The following ENTHD1 variants were observed in gnomAD, a reference collection of about 807,000 sequenced individuals.
The protein encoded by ENTHD1 is ENTH domain-containing protein 1.
A neutral mutation model predicts 39.1 loss-of-function variants in ENTHD1; 23 were observed. The observed-to-expected ratio is 0.59, with a 90% CI of 0.42 to 0.83. The LOEUF is 0.83. ENTHD1 is among the 40% of genes least tolerant of loss of function. The pLI is 0.00. For missense variants in ENTHD1, 624 were observed against 705.4 expected, an observed-to-expected ratio of 0.88 and a Z score of 1.31; for synonymous variants, 230 against 258.2, an observed-to-expected ratio of 0.89 and a Z score of 1.05.
intron 5 of ENTHD1, among the ~76,000 whole-genome samples, chr22:39,805,080 C>T (rs978173483): frequency 1.3e-5 from 2 of 152,220 alleles, no homozygotes; most frequent in Non-Finnish European, 2.9e-5. Context: ...GGTCATCCAT[C>T]TATCCAACAA....
At chr22:39,831,525 A>G (rs2065868809) in intron 4 of ENTHD1, among the ~76,000 whole-genome samples, 1 of 152,172 alleles carries the variant, frequency 6.6e-6, no homozygotes, top group South Asian at 2.1e-4. Flanking sequence ...AAAAGTCAAT[A>G]TAATAAAGAA....
At chr22:39,805,360 T>C (rs1426405169) in intron 5 of ENTHD1, among the ~76,000 whole-genome samples, 1 of 152,036 alleles carries the variant, frequency 6.6e-6, no homozygotes, top group East Asian at 1.9e-4. Flanking sequence ...TCACTCAAAG[T>C]CCCTTACTAT....
At chr22:39,878,635 C>G (rs1186287815) in intron 2 of ENTHD1, among the ~76,000 whole-genome samples, 1 of 151,784 alleles carries the variant, frequency 6.6e-6, no homozygotes, top group African/African-American at 2.4e-5. Context: ...TTTAGCCAAA[C>G]AAAAATTGAG....
intron 5 of ENTHD1, among the ~76,000 whole-genome samples, chr22:39,815,611 C>A (rs544960080): frequency 6.6e-6 from 1 of 152,136 alleles, no homozygotes; most frequent in African/African-American, 2.4e-5. Flanking sequence ...TCTAACCGTA[C>A]GGCAATTTCG....
chr22:39,887,336 C>T (rs908229331), intron 2 of ENTHD1, 64 bp downstream of exon 2: 41 of 1,409,060 alleles, frequency 2.9e-5, no homozygotes, highest in Admixed American at 8.6e-5. Flanking sequence ...CTCAGCCTCC[C>T]ATGCACCAGG....
At chr22:39,887,975 A>T in intron 1 of ENTHD1, 72 bp from the exon 2 acceptor site, 1 of 423,510 alleles carries the variant, frequency 2.4e-6, no homozygotes. Flanking sequence ...TCAATCTGAA[A>T]ATCTAGGTTT....
intron 2 of ENTHD1, among the ~76,000 whole-genome samples, chr22:39,885,243 G>A (rs1175552475): frequency 6.6e-6 from 1 of 152,178 alleles, no homozygotes. Flanking sequence ...GACATGAAAA[G>A]ATGTTCAGCA....
At chr22:39,766,919 T>C (rs1008904538) in intron 5 of ENTHD1, among the ~76,000 whole-genome samples, 1 of 152,192 alleles carries the variant, frequency 6.6e-6, no homozygotes, top group Non-Finnish European at 1.5e-5. Flanking sequence ...AATTCAAGTA[T>C]CACTTTCTCT....
chr22:39,751,878 T>G (rs1419405066), intron 6 of ENTHD1, among the ~76,000 whole-genome samples: 1 of 152,174 alleles, frequency 6.6e-6, no homozygotes, highest in Non-Finnish European at 1.5e-5. Flanking sequence ...TGTCTGTCAT[T>G]TTTGTTTCCT....
chr22:39,753,604 C>T (rs1379807324), intron 6 of ENTHD1, among the ~76,000 whole-genome samples: 1 of 152,128 alleles, frequency 6.6e-6, no homozygotes, highest in African/African-American at 2.4e-5. Flanking sequence ...GACCTGGACC[C>T]TTCATATAAA....
At chr22:39,842,102 A>G (rs976185044) in intron 3 of ENTHD1, among the ~76,000 whole-genome samples, 1 of 151,458 alleles carries the variant, frequency 6.6e-6, no homozygotes, top group South Asian at 2.1e-4. Context: ...CTGCCGAGAG[A>G]TCTGCTGTTA....
At chr22:39,889,866 G>A (rs550925120) in intron 1 of ENTHD1, among the ~76,000 whole-genome samples, 63 of 152,154 alleles carry the variant, frequency 4.1e-4, no homozygotes, top group Non-Finnish European at 6.8e-4. Context: ...GGAGGCTGCC[G>A]CGGGCAGATC....
chr22:39,752,314 C>G (rs1445996426), intron 6 of ENTHD1, among the ~76,000 whole-genome samples: 2 of 152,060 alleles, frequency 1.3e-5, no homozygotes, highest in Non-Finnish European at 2.9e-5. Flanking sequence ...CACAAAAGGC[C>G]ACATATTGCA....
chr22:39,745,364 C>T (rs769197325), intron 6 of ENTHD1, among the ~76,000 whole-genome samples: 2 of 152,170 alleles, frequency 1.3e-5, no homozygotes, highest in Non-Finnish European at 2.9e-5. Flanking sequence ...AATGAGAACA[C>T]ATGGCTTATT....
chr22:39,874,661 C>A (rs1398389548), intron 2 of ENTHD1: 2 of 152,006 alleles, frequency 1.3e-5, no homozygotes, highest in African/African-American at 4.8e-5. Flanking sequence ...GTAAAAATTC[C>A]TAGAAATCAA....
At chr22:39,789,182 C>T (rs1021021489) in intron 5 of ENTHD1, among the ~76,000 whole-genome samples, 1 of 152,150 alleles carries the variant, frequency 6.6e-6, no homozygotes, top group African/African-American at 2.4e-5. Context: ...TTGCAATGAA[C>T]ACAAGAGTGC....
intron 2 of ENTHD1, among the ~76,000 whole-genome samples, chr22:39,868,393 T>C (rs1163817541): frequency 1.3e-5 from 2 of 149,900 alleles, no homozygotes; most frequent in African/African-American, 4.9e-5. Context: ...TGAGTGGTTG[T>C]GGGAAAAAAT....
intron 5 of ENTHD1, among the ~76,000 whole-genome samples, chr22:39,785,543 T>C (rs529836271): frequency 2.6e-4 from 39 of 152,344 alleles, no homozygotes; most frequent in Admixed American, 1.4e-3. Flanking sequence ...TGTAGTCACC[T>C]TTGTGTTGGT....
intron 5 of ENTHD1, among the ~76,000 whole-genome samples, chr22:39,785,540 A>G (rs1425802776): frequency 1.3e-5 from 2 of 152,040 alleles, no homozygotes; most frequent in Non-Finnish European, 2.9e-5. Context: ...GGTTGTAGTC[A>G]CCTTTGTGTT....
Sources: gnomAD v4.1 joint callset for allele counts (sites outside exome capture counted in the v4.1 genomes callset) on GRCh38, gnomAD v4.1.1 for gene constraint, MANE v1.5 for transcripts, NCBI Gene and HGNC (gene_info 2026-07-23, HGNC 2026-07-21) for gene names.